The following NRCAM variants were observed in gnomAD, a reference collection of about 807,000 sequenced individuals.
The protein encoded by NRCAM is NgCAM-related cell adhesion molecule.
In NRCAM, 83 loss-of-function variants were observed where a neutral mutation model predicts 156.5. The ratio of observed to expected loss-of-function variants is 0.53; its 90% CI spans 0.44 to 0.64. NRCAM has a LOEUF of 0.64. Among genes scored for constraint, NRCAM ranks in the 30% least tolerant of loss-of-function variants. The pLI is 0.00. For synonymous variants in NRCAM, 538 were observed against 563.9 expected, an observed-to-expected ratio of 0.95 and a Z score of 0.65; for missense variants, 1,417 against 1,597.3, an observed-to-expected ratio of 0.89 and a Z score of 1.92.
Position 108,203,418 on chromosome 7 carries a change from A to T in NRCAM, c.1207+4110T>A, listed in dbSNP as rs2153538868. Among the ~76,000 whole-genome samples, 2 of 150,020 alleles carry T rather than the reference A, an allele frequency of 1.3e-5. 1 individual carries two copies. The highest frequency in any genetic ancestry group is 1.3e-4 in the Admixed American group (2 of 14,902). On this transcript the variant is annotated intron_variant, in intron 13 of 32. Transcript: ENST00000379028. ...AAGCTTTAGGAGACAATGAAATAAA[A>T]GCCCAGACACTTTTGGAGTTAATTT...
intron 2 of NRCAM, among the ~76,000 whole-genome samples, chr7:108,386,099 G>A (rs722519): frequency 0.14 from 20,630 of 152,050 alleles, 1,669 homozygotes; most frequent in Middle Eastern, 0.21. Flanking sequence ...TAAGGATGCA[G>A]GAACTAGAAA....
At chr7:108,304,749 C>T (rs1592546644) in intron 3 of NRCAM, among the ~76,000 whole-genome samples, 1 of 152,028 alleles carries the variant, frequency 6.6e-6, no homozygotes, top group Admixed American at 6.6e-5. Flanking sequence ...TATGGGGAAC[C>T]ACATTTGACT....
chr7:108,447,115 A>C (rs2154491672), intron 1 of NRCAM, among the ~76,000 whole-genome samples: 1 of 152,204 alleles, frequency 6.6e-6, no homozygotes, highest in East Asian at 1.9e-4. Flanking sequence ...CAGAGTCTCT[A>C]CTTAGATATT....
intron 2 of NRCAM, among the ~76,000 whole-genome samples, chr7:108,342,260 A>G (rs2099293369): frequency 6.6e-6 from 1 of 152,236 alleles, no homozygotes; most frequent in Admixed American, 6.5e-5. Flanking sequence ...CTGTGGCTAC[A>G]AGGTTTCCAA....
chr7:108,339,113 A>G, intron 2 of NRCAM, among the ~76,000 whole-genome samples: 1 of 152,234 alleles, frequency 6.6e-6, no homozygotes, highest in East Asian at 1.9e-4. Context: ...ATTTAACACT[A>G]ATCACTGATA....
At chr7:108,355,214 T>C (rs1262027811) in intron 2 of NRCAM, among the ~76,000 whole-genome samples, 3 of 152,190 alleles carry the variant, frequency 2.0e-5, no homozygotes, top group Non-Finnish European at 2.9e-5. Flanking sequence ...AAAGGGACCA[T>C]GGATCTCTAA....
intron 2 of NRCAM, among the ~76,000 whole-genome samples, chr7:108,317,136 C>T (rs1261958268): frequency 1.3e-5 from 2 of 152,176 alleles, no homozygotes; most frequent in Non-Finnish European, 2.9e-5. Flanking sequence ...CCTCCAAATT[C>T]ATGGTCTGCA....
At chr7:108,199,696 C>T (rs1186505237) in intron 13 of NRCAM, among the ~76,000 whole-genome samples, 2 of 152,266 alleles carry the variant, frequency 1.3e-5, no homozygotes, top group East Asian at 3.9e-4. Context: ...TTTGGGGGCT[C>T]ATGTAATTAA....
rs146217293 is a variant in NRCAM at position 108,251,452 on chromosome 7, C to A, written c.-106-11282G>T. On this transcript the variant is annotated intron_variant, in intron 3 of 32. Transcript: ENST00000379028. ...CTTATGCTTTGAAGGTGTCTCAGGT[C>A]TGCCTTCCTAGACTCAACAATGAAT... Among the ~76,000 whole-genome samples, 1,472 of 152,324 alleles carry A rather than the reference C, an allele frequency of 9.7e-3. 24 individuals carry two copies. Among genetic ancestry groups the A allele is most frequent in the African/African-American group, 0.033 (1,373 of 41,568 alleles).
intron 2 of NRCAM, chr7:108,328,565 T>TTA (rs2099094307): frequency 6.6e-6 from 1 of 152,152 alleles, no homozygotes; most frequent in Non-Finnish European, 1.5e-5. Context: ...TGCAGTAAAA[T>TTA]GTTAAAGTCC....
chr7:108,439,173 T>G (rs1283170234), intron 1 of NRCAM, among the ~76,000 whole-genome samples: 1 of 152,066 alleles, frequency 6.6e-6, no homozygotes, highest in East Asian at 1.9e-4. Flanking sequence ...TTTGTGAAGT[T>G]GAGTGAGGAG....
At chr7:108,379,259 GT>G (rs1328271228) in intron 2 of NRCAM, among the ~76,000 whole-genome samples, 1 of 152,102 alleles carries the variant, frequency 6.6e-6, no homozygotes, top group Non-Finnish European at 1.5e-5. Flanking sequence ...AAAAGTAAGT[GT>G]GGTAACAAAA....
chr7:108,209,011 A>G (rs890460242), intron 12 of NRCAM, among the ~76,000 whole-genome samples: 1 of 152,204 alleles, frequency 6.6e-6, no homozygotes, highest in Non-Finnish European at 1.5e-5. Context: ...GTAATAAAGT[A>G]TTTGTGGACA....
At chr7:108,219,304 T>A (rs1588807338) in intron 11 of NRCAM, among the ~76,000 whole-genome samples, 1 of 152,292 alleles carries the variant, frequency 6.6e-6, no homozygotes, top group East Asian at 1.9e-4. Flanking sequence ...CCAATCCTTT[T>A]GACACTATTC....
At chr7:108,309,444 T>C (rs1214136889) in intron 3 of NRCAM, among the ~76,000 whole-genome samples, 1 of 152,210 alleles carries the variant, frequency 6.6e-6, no homozygotes, top group Non-Finnish European at 1.5e-5. Flanking sequence ...TTCAGCTTCA[T>C]GGGGCAAGTA....
At chr7:108,354,240 T>G (rs544041845) in intron 2 of NRCAM, among the ~76,000 whole-genome samples, 1 of 152,326 alleles carries the variant, frequency 6.6e-6, no homozygotes, top group Admixed American at 6.5e-5. Flanking sequence ...CAATTCACCA[T>G]ACAAAAGAAT....
chr7:108,419,252 T>G (rs1035047919), intron 1 of NRCAM, among the ~76,000 whole-genome samples: 1 of 152,192 alleles, frequency 6.6e-6, no homozygotes, highest in African/African-American at 2.4e-5. Context: ...TGCAGACGTT[T>G]TATTTTCAGA....
At chr7:108,398,685 G>A (rs2099783715) in intron 2 of NRCAM, among the ~76,000 whole-genome samples, 1 of 152,156 alleles carries the variant, frequency 6.6e-6, no homozygotes, top group South Asian at 2.1e-4. Context: ...ACCTCCTCTA[G>A]GAAGCCTGCT....
At chr7:108,287,528 T>C (rs1035085165) in intron 3 of NRCAM, among the ~76,000 whole-genome samples, 2 of 151,812 alleles carry the variant, frequency 1.3e-5, no homozygotes, top group Non-Finnish European at 2.9e-5. Context: ...AGAAGACGAA[T>C]AGACATTTTG....
Sources: gnomAD v4.1 joint callset for allele counts (sites outside exome capture counted in the v4.1 genomes callset) on GRCh38, gnomAD v4.1.1 for gene constraint, MANE v1.5 for transcripts, NCBI Gene and HGNC (gene_info 2026-07-23, HGNC 2026-07-21) for gene names.